RP1: variants seen among roughly 807,000 people sequenced by gnomAD.
RP1 encodes the protein oxygen-regulated protein 1.
Under a neutral mutation model 14.8 loss-of-function variants are expected in RP1, and 16 were observed. That is an observed-to-expected ratio of 1.08 (90% CI 0.73 to 1.65). The LOEUF (loss-of-function observed/expected upper bound fraction) is 1.65, where lower values mean the gene tolerates loss of function less well. RP1 is among the 40% of genes most tolerant of loss of function. The pLI, the probability that RP1 is intolerant of heterozygous loss-of-function variation, is 0.00. For missense variants in RP1, 2,631 were observed against 2,535.0 expected (o/e 1.04, Z -0.81); for synonymous variants, 876 against 883.6 (o/e 0.99, Z 0.15).
intron 17 of RP1, among the ~76,000 whole-genome samples, chr8:54,727,553 T>G (rs1808686368): frequency 6.6e-6 from 1 of 152,132 alleles, no homozygotes; most frequent in Admixed American, 6.6e-5. Context: ...GCAAAAATAT[T>G]TTTTAAATGT....
intron 1 of RP1, among the ~76,000 whole-genome samples, chr8:54,566,001 C>G (rs1337868011): frequency 2.0e-5 from 3 of 152,196 alleles, no homozygotes; most frequent in African/African-American, 7.2e-5. Context: ...CTGCCTTCAT[C>G]TTCACACTGG....
Position 54,691,926 on chromosome 8 carries a change from A to G in RP1, c.1718-7541A>G, listed in dbSNP as rs527892124. 2.6e-5 allele frequency among the ~76,000 whole-genome samples: 4 copies of G among 151,906 alleles called. No homozygotes were observed. In the East Asian group the frequency reaches 7.7e-4, roughly 29 times the overall value. ...CGTGTACAGCACCCATTAACTCGTC[A>G]TTTAGCATTAGGTATATCTCCTAAT... On this transcript the variant is annotated intron_variant, in intron 12 of 22. Coordinates refer to the RP1 transcript ENST00000636932.
chr8:54,647,431 A>G (rs1448839125), intron 3 of RP1, among the ~76,000 whole-genome samples: 2 of 152,184 alleles, frequency 1.3e-5, no homozygotes, highest in East Asian at 1.9e-4. Context: ...ATAAAAATAA[A>G]AAATACAAAT....
chr8:54,586,639 C>T (rs1281002535), intron 1 of RP1, among the ~76,000 whole-genome samples: 1 of 152,226 alleles, frequency 6.6e-6, no homozygotes, highest in African/African-American at 2.4e-5. Flanking sequence ...GTGCTGTGGG[C>T]TCCACCCAGT....
At chr8:54,801,374 G>A (rs1005274996) in intron 24 of RP1, among the ~76,000 whole-genome samples, 16 of 152,228 alleles carry the variant, frequency 1.1e-4, no homozygotes, top group Non-Finnish European at 2.4e-4. Context: ...AAGTATTCCC[G>A]CTTCTCCTCC....
At chr8:54,783,061 T>C (rs1810228534) in intron 23 of RP1, among the ~76,000 whole-genome samples, 1 of 152,140 alleles carries the variant, frequency 6.6e-6, no homozygotes, top group South Asian at 2.1e-4. Flanking sequence ...AGAAAGAAAG[T>C]TCTTTTTTGC....
At chr8:54,774,142 G>C (rs1244223695), downstream of RP1, among the ~76,000 whole-genome samples, 5 of 152,164 alleles carry the variant, frequency 3.3e-5, no homozygotes, top group Non-Finnish European at 5.9e-5. Context: ...CGATCATTCA[G>C]GGTACAATTT....
chr8:54,625,871 G>A lies in RP1; in HGVS notation c.1989G>A (p.Lys663=), dbSNP rs372551375. The change falls in exon 4 of 4, where the codon AAG becomes AAA. Residue 663 remains lysine, a synonymous_variant. Transcript: ENST00000220676. ...CAAAACTTCCAAAAAATGAAAAGAA[G>A]ATTTTGTCATCTGTTGCCAGCAAAA... ...GLTKLPKNEK[K]ILSSVASKKK... is the part of the protein sequence containing the mutation. 7 of 1,613,628 alleles carry A rather than the reference G, an allele frequency of 4.3e-6. No individual in the cohort carries two copies. The highest frequency in any genetic ancestry group is 5.9e-6 in the Non-Finnish European group (7 of 1,179,940).
At chr8:54,559,704 C>G (rs962192220) in intron 1 of RP1, among the ~76,000 whole-genome samples, 3 of 152,148 alleles carry the variant, frequency 2.0e-5, no homozygotes, top group South Asian at 2.1e-4. Context: ...GGGTGATGAA[C>G]AGAACAACAG....
At chr8:54,820,452 C>T (rs1811228067) in intron 24 of RP1, among the ~76,000 whole-genome samples, 1 of 152,082 alleles carries the variant, frequency 6.6e-6, no homozygotes, top group South Asian at 2.1e-4. Context: ...AGCTGGAAAT[C>T]GAGTTTCTAT....
chr8:54,679,385 G>A, intron 9 of RP1: 3 of 1,503,026 alleles, frequency 2.0e-6, no homozygotes, highest in Non-Finnish European at 2.7e-6. Context: ...TAAATATAAA[G>A]TCTGAAAATA....
At chr8:54,759,731 A>G (rs896067090) in intron 22 of RP1, among the ~76,000 whole-genome samples, 1 of 152,198 alleles carries the variant, frequency 6.6e-6, no homozygotes, top group African/African-American at 2.4e-5. Flanking sequence ...GCTGTTTCTC[A>G]AGAAAATGCT....
At chr8:54,749,061 G>T (rs1243708676) in intron 19 of RP1, among the ~76,000 whole-genome samples, 2 of 152,112 alleles carry the variant, frequency 1.3e-5, no homozygotes, top group African/African-American at 4.8e-5. Context: ...GAAAAGATAA[G>T]ATTATTTTAT....
At chr8:54,757,995 G>A (rs1022136639) in intron 21 of RP1, among the ~76,000 whole-genome samples, 1 of 152,164 alleles carries the variant, frequency 6.6e-6, no homozygotes, top group African/African-American at 2.4e-5. Context: ...ACAGCATGGA[G>A]CCAATAGTTG....
In RP1 at chr8:54,630,507, T is replaced by A. The variant is rs1806224969; in HGVS notation, c.*154T>A. The A allele has an allele frequency of 2.1e-6, 3 of 1,445,054 alleles. No homozygotes were observed. Among genetic ancestry groups the A allele is most frequent in the African/African-American group, 2.9e-5 (2 of 69,792 alleles). The allele number at this position is 1,445,054 out of a possible 1,614,324, so 89.5% of individuals were successfully genotyped here. A position where few individuals can be genotyped will look rare whatever the true frequency, so the allele number is the denominator to read the frequency against. Reference sequence around the variant, plus strand: ...CTTACCCTTGGATAACCAGTTTGACTTTCATAATGTCTCTGTTTTTTGTTT... The same window carrying A: ...CTTACCCTTGGATAACCAGTTTGACATTCATAATGTCTCTGTTTTTTGTTT... On this transcript the variant is annotated 3_prime_UTR_variant, in exon 4 of 4. Transcript: ENST00000220676.
intron 3 of RP1, among the ~76,000 whole-genome samples, chr8:54,641,580 A>T (rs1343021252): frequency 6.6e-6 from 1 of 152,160 alleles, no homozygotes; most frequent in Non-Finnish European, 1.5e-5. Flanking sequence ...GCCAGATAGC[A>T]CTGAGTTTAG....
intron 1 of RP1, among the ~76,000 whole-genome samples, chr8:54,566,382 G>C (rs1804406350): frequency 6.6e-6 from 1 of 152,188 alleles, no homozygotes; most frequent in Non-Finnish European, 1.5e-5. Flanking sequence ...GTTGGTGAAA[G>C]TTAAAGTTTA....
At chr8:54,825,039 C>T (rs577350619) in intron 24 of RP1, among the ~76,000 whole-genome samples, 3 of 151,902 alleles carry the variant, frequency 2.0e-5, no homozygotes, top group East Asian at 1.9e-4. Context: ...GCGCGATCTC[C>T]GCTCACTGCA....
At chr8:54,736,404 A>G (rs952991006) in intron 18 of RP1, among the ~76,000 whole-genome samples, 6 of 152,174 alleles carry the variant, frequency 3.9e-5, no homozygotes, top group African/African-American at 9.7e-5. Flanking sequence ...TAGTTCTGTG[A>G]CGTTAAATAG....
Sources: allele counts gnomAD v4.1 joint callset (sites outside exome capture counted in the v4.1 genomes callset), GRCh38; gene constraint gnomAD v4.1.1; transcripts MANE v1.5; gene names NCBI Gene and HGNC (gene_info 2026-07-23, HGNC 2026-07-21).